ADGRL3: variants seen among roughly 807,000 people sequenced by gnomAD.
ADGRL3 encodes the protein adhesion G protein-coupled receptor L3.
In ADGRL3, 62 loss-of-function variants were observed where a neutral mutation model predicts 153.5. The ratio of observed to expected loss-of-function variants is 0.40; its 90% CI spans 0.33 to 0.50. The LOEUF (loss-of-function observed/expected upper bound fraction) is 0.50, where lower values mean the gene tolerates loss of function less well. Ranked by LOEUF, ADGRL3 falls within the 20% of genes least tolerant of loss-of-function variation. The probability of loss-of-function intolerance (pLI) is 0.47; values close to 1 mark genes in which losing one functional copy is unlikely to be tolerated. For synonymous variants in ADGRL3, 710 were observed against 672.5 expected, an observed-to-expected ratio of 1.06 and a Z score of -0.86; for missense variants, 1,641 against 1,859.4, an observed-to-expected ratio of 0.88 and a Z score of 2.16.
intron 20 of ADGRL3, 79 bp downstream of exon 20, chr4:61,996,436 T>TTAACCTCTGTAAA: frequency 2.1e-6 from 2 of 964,230 alleles, no homozygotes; most frequent in South Asian, 1.5e-5. Context: ...CTGTCTTTAA[T>TTAACCTCTGTAAA]TTACAGAGGT....
intron 8 of ADGRL3, among the ~76,000 whole-genome samples, chr4:61,798,105 G>A (rs566696621): frequency 7.8e-4 from 118 of 152,136 alleles, no homozygotes; most frequent in Admixed American, 6.8e-3. Flanking sequence ...GCACCTTATG[G>A]GCAAGTAGGG....
intron 2 of ADGRL3, among the ~76,000 whole-genome samples, chr4:61,456,527 C>G (rs1578968303): frequency 7.0e-6 from 1 of 142,218 alleles, no homozygotes; most frequent in East Asian, 2.0e-4. Context: ...ATATATACGT[C>G]ACACTAAAGG....
intron 5 of ADGRL3, among the ~76,000 whole-genome samples, chr4:61,615,352 T>C (rs1335619703): frequency 6.6e-6 from 1 of 152,064 alleles, no homozygotes; most frequent in Non-Finnish European, 1.5e-5. Context: ...TGAGAACAAG[T>C]AGAAAATATT....
intron 1 of ADGRL3, among the ~76,000 whole-genome samples, chr4:61,267,784 T>C (rs1449279709): frequency 6.6e-6 from 1 of 151,668 alleles, no homozygotes; most frequent in African/African-American, 2.4e-5. Context: ...TCAGAGAAGA[T>C]ATCTGTCTCA....
At chr4:61,722,051 A>G (rs2096252247) in intron 6 of ADGRL3, among the ~76,000 whole-genome samples, 1 of 152,222 alleles carries the variant, frequency 6.6e-6, no homozygotes, top group East Asian at 1.9e-4. Flanking sequence ...CCGATATTTT[A>G]TAAATGAGAA....
At chr4:61,761,732 C>G (rs1580695419) in intron 8 of ADGRL3, among the ~76,000 whole-genome samples, 1 of 152,174 alleles carries the variant, frequency 6.6e-6, no homozygotes, top group Admixed American at 6.5e-5. Flanking sequence ...AAGTTCGATA[C>G]CAGCCTGGGC....
At chr4:61,848,600 G>A (rs1183710912) in intron 9 of ADGRL3, among the ~76,000 whole-genome samples, 2 of 151,888 alleles carry the variant, frequency 1.3e-5, no homozygotes, top group Admixed American at 6.6e-5. Context: ...CAGGGGTTAG[G>A]ACTTCAATGT....
rs1248993745 is a variant in ADGRL3 at position 61,934,974 on chromosome 4, T to G, written c.2247T>G (p.Ala749=). The change falls in exon 14 of 27, where the codon GCT becomes GCG. Residue 749 remains alanine (A), a synonymous_variant. Transcript: ENST00000683033. ...HTVEESAFVL[A]DNLLKTDIVR... ...TGGAGGAAAGTGCTTTTGTGCTGGCTGATAACCTTTTGAAGACTGACATTG... is the reference window on the plus strand; with the variant it reads ...TGGAGGAAAGTGCTTTTGTGCTGGCGGATAACCTTTTGAAGACTGACATTG... The G allele has an allele frequency of 1.2e-6, 2 of 1,613,856 alleles. No homozygotes were observed. Among genetic ancestry groups the G allele is most frequent in the East Asian group, 4.5e-5 (2 of 44,884 alleles).
At chr4:61,259,712 T>C (rs2092356845) in intron 1 of ADGRL3, among the ~76,000 whole-genome samples, 1 of 152,132 alleles carries the variant, frequency 6.6e-6, no homozygotes, top group South Asian at 2.1e-4. Flanking sequence ...GTGTTTATTT[T>C]TTACATCTTT....
rs560452132 is a variant in ADGRL3 at position 61,541,664 on chromosome 4, C to T, written c.259+24146C>T. 3.9e-5 allele frequency among the ~76,000 whole-genome samples: 6 copies of T among 152,154 alleles called. No homozygotes were observed. The South Asian group carries it at 6.2e-4, about 16-fold the overall frequency. ...CTTGGTTACCTGGACAGCAATTCCT[C>T]GCTACATTTCCAGAGGCAGCTCTCT... On this transcript the variant is annotated intron_variant, in intron 4 of 26. Coordinates refer to ENST00000683033, the MANE Select transcript of ADGRL3 (RefSeq NM_001387552.1).
At chr4:61,856,195 C>T (rs536555564) in intron 9 of ADGRL3, among the ~76,000 whole-genome samples, 1 of 152,190 alleles carries the variant, frequency 6.6e-6, no homozygotes, top group African/African-American at 2.4e-5. Context: ...TAGCCAGACT[C>T]CACCTCTACA....
chr4:61,438,370 A>C (rs2097480533), intron 2 of ADGRL3, among the ~76,000 whole-genome samples: 1 of 149,776 alleles, frequency 6.7e-6, no homozygotes, highest in Admixed American at 6.6e-5. Context: ...TTTTTATTTA[A>C]TATTATTATA....
At chr4:61,930,635 A>C (rs2098813928) in intron 13 of ADGRL3, among the ~76,000 whole-genome samples, 1 of 152,184 alleles carries the variant, frequency 6.6e-6, no homozygotes, top group Non-Finnish European at 1.5e-5. Context: ...GTCTGAATTT[A>C]ATGATAAGAG....
chr4:61,316,550 G>A (rs763812723), intron 1 of ADGRL3, among the ~76,000 whole-genome samples: 1 of 152,148 alleles, frequency 6.6e-6, no homozygotes, highest in Non-Finnish European at 1.5e-5. Context: ...GAAGAATGAC[G>A]TATCTTGTTT....
chr4:61,434,623 G>A (rs1578841025), intron 2 of ADGRL3, among the ~76,000 whole-genome samples: 1 of 49,126 alleles, frequency 2.0e-5, no homozygotes, highest in Non-Finnish European at 6.3e-5. Flanking sequence ...GAATCCTGCT[G>A]ACTATTTTTA....
intron 5 of ADGRL3, among the ~76,000 whole-genome samples, chr4:61,628,780 A>T (rs922973599): frequency 6.6e-6 from 1 of 152,208 alleles, no homozygotes; most frequent in Non-Finnish European, 1.5e-5. Context: ...GCCGAAATTC[A>T]ACTCATTCTG....
At chr4:62,041,903 G>C (rs1435773630) in intron 24 of ADGRL3, among the ~76,000 whole-genome samples, 1 of 151,962 alleles carries the variant, frequency 6.6e-6, no homozygotes, top group Non-Finnish European at 1.5e-5. Flanking sequence ...CTGCACTCAG[G>C]AGCCAGATGA....
intron 19 of ADGRL3, among the ~76,000 whole-genome samples, 158 bp downstream of exon 19, chr4:61,983,761 A>G (rs1397374140): frequency 6.6e-6 from 1 of 152,166 alleles, no homozygotes; most frequent in African/African-American, 2.4e-5. Flanking sequence ...ATGTAAAAAG[A>G]AAAAAATACC....
intron 19 of ADGRL3, among the ~76,000 whole-genome samples, chr4:61,995,896 C>A (rs1167295448): frequency 6.6e-6 from 1 of 152,156 alleles, no homozygotes; most frequent in Non-Finnish European, 1.5e-5. Flanking sequence ...AGGAAAATGT[C>A]ACTTTGCCTG....
Sources: allele counts gnomAD v4.1 joint callset (sites outside exome capture counted in the v4.1 genomes callset), GRCh38; gene constraint gnomAD v4.1.1; transcripts MANE v1.5; gene names NCBI Gene and HGNC (gene_info 2026-07-23, HGNC 2026-07-21).